Variants in PAPPA2 observed in about 807,000 individuals in gnomAD.
PAPPA2 encodes the protein pappalysin-2.
A neutral mutation model predicts 176.4 loss-of-function variants in PAPPA2; 86 were observed. That is an observed-to-expected ratio of 0.49 (90% CI 0.41 to 0.58). The LOEUF is 0.58. Ranked by LOEUF, PAPPA2 falls within the 20% of genes least tolerant of loss-of-function variation. The pLI is 0.00. For missense variants in PAPPA2, 2,073 were observed against 2,256.9 expected (o/e 0.92, Z 1.65); for synonymous variants, 809 against 852.2 (o/e 0.95, Z 0.88).
At chr1:176,779,276 C>T (rs1025736069) in intron 17 of PAPPA2, among the ~76,000 whole-genome samples, 1 of 152,108 alleles carries the variant, frequency 6.6e-6, no homozygotes, top group African/African-American at 2.4e-5. Flanking sequence ...TCCTACTCCT[C>T]CTGTGTCTCT....
At chr1:176,485,843 A>C (rs1483429084) in intron 1 of PAPPA2, among the ~76,000 whole-genome samples, 1 of 152,228 alleles carries the variant, frequency 6.6e-6, no homozygotes, top group Non-Finnish European at 1.5e-5. Context: ...TAATCTTTTT[A>C]TATACATGAA....
chr1:176,833,463 C>T (rs1266592317), intron 21 of PAPPA2, among the ~76,000 whole-genome samples: 1 of 152,218 alleles, frequency 6.6e-6, no homozygotes, highest in Admixed American at 6.5e-5. Flanking sequence ...TCCAGATCAC[C>T]TGTTAAAACC....
intron 17 of PAPPA2, among the ~76,000 whole-genome samples, chr1:176,784,952 T>G (rs1449578369): frequency 6.6e-6 from 1 of 152,154 alleles, no homozygotes; most frequent in Non-Finnish European, 1.5e-5. Context: ...TTATTTGTTT[T>G]CTCATGAGGG....
chr1:176,747,314 G>T (rs913872230), intron 14 of PAPPA2, among the ~76,000 whole-genome samples: 1 of 152,158 alleles, frequency 6.6e-6, no homozygotes, highest in Non-Finnish European at 1.5e-5. Flanking sequence ...AGTAATACAG[G>T]CAAGCTGGGG....
chr1:176,489,243 G>A (rs1288198116), intron 1 of PAPPA2, among the ~76,000 whole-genome samples: 1 of 152,048 alleles, frequency 6.6e-6, no homozygotes, highest in African/African-American at 2.4e-5. Flanking sequence ...TTTAAAAATT[G>A]CATGTTGTGG....
In PAPPA2 at chr1:176,557,026, C is replaced by T; in HGVS notation, c.704C>T (p.Pro235Leu). Reference protein sequence around the residue: ...HSLKHRVKKSPPEESNQNGGE... With the variant: ...HSLKHRVKKSLPEESNQNGGE... ...CTTAAACACAGGGTCAAAAAGAGTC[C>T]ACCGGAGGAAAGCAACCAAAATGGT... Residue 235 changes from proline (P) to leucine (L), a missense_variant, in exon 2 of 23, where the codon CCA (proline) becomes CTA (leucine). By Grantham distance (98) the Pro-to-Leu change is moderately conservative (BLOSUM62 -3). Around this residue, in one of 4 missense-constraint regions of PAPPA2, gnomAD observed 1,196 missense variants for 1,330.4 expected, o/e 0.90. Transcript: ENST00000367662. 3 of 1,614,088 alleles carry T rather than the reference C, an allele frequency of 1.9e-6. No individual in the cohort carries two copies. Among genetic ancestry groups the T allele is most frequent in the Non-Finnish European group, 2.5e-6 (3 of 1,180,010 alleles).
chr1:176,703,602 C>G (rs1385254134), intron 9 of PAPPA2, among the ~76,000 whole-genome samples: 1 of 152,190 alleles, frequency 6.6e-6, no homozygotes, highest in African/African-American at 2.4e-5. Flanking sequence ...GAAAATATAT[C>G]GTATATTGAA....
intron 1 of PAPPA2, among the ~76,000 whole-genome samples, chr1:176,532,780 C>G (rs1218010018): frequency 6.6e-6 from 1 of 152,174 alleles, no homozygotes; most frequent in Non-Finnish European, 1.5e-5. Flanking sequence ...TGTGGCCTGA[C>G]CTGACTTTGT....
intron 1 of PAPPA2, among the ~76,000 whole-genome samples, chr1:176,496,664 T>C (rs1413259584): frequency 6.6e-6 from 1 of 152,132 alleles, no homozygotes; most frequent in African/African-American, 2.4e-5. Flanking sequence ...CTCAGAGATG[T>C]CCCTTGTTGT....
chr1:176,630,830 G>A (rs1203215291), intron 3 of PAPPA2, among the ~76,000 whole-genome samples: 1 of 152,188 alleles, frequency 6.6e-6, no homozygotes, highest in Non-Finnish European at 1.5e-5. Flanking sequence ...GTGTATAAGA[G>A]ATAAATTCAA....
intron 1 of PAPPA2, among the ~76,000 whole-genome samples, chr1:176,538,878 G>T (rs1328447583): frequency 6.6e-6 from 1 of 152,124 alleles, no homozygotes; most frequent in African/African-American, 2.4e-5. Flanking sequence ...GCCTGTTTTT[G>T]CTTGGCCTCA....
Position 176,793,553 on chromosome 1 carries a change from C to T in PAPPA2, c.5021-7C>T, listed in dbSNP as rs1387127027. On this transcript the variant is annotated splice_region_variant and splice_polypyrimidine_tract_variant and intron_variant, in intron 19 of 22. Coordinates refer to ENST00000367662, the MANE Select transcript of PAPPA2 (RefSeq NM_020318.3). The stretch of plus-strand genomic sequence containing the variant: ...CAAGTCTCTGCTGTAAACTTCTGTT[C>T]TTTCAGGTGCAGTGTGTTCCCCATT... The T allele has an allele frequency of 1.3e-6, 2 of 1,598,606 alleles. No homozygotes were observed. Among genetic ancestry groups the T allele is most frequent in the Non-Finnish European group, 1.7e-6 (2 of 1,167,160 alleles).
intron 2 of PAPPA2, among the ~76,000 whole-genome samples, chr1:176,583,396 C>A (rs1329722914): frequency 6.6e-6 from 1 of 151,842 alleles, no homozygotes. Context: ...TGGCTGTGTT[C>A]CATAGGTTTT....
intron 5 of PAPPA2, 30 bp from the exon 6 acceptor site, chr1:176,692,096 T>C (rs368050493): frequency 1.3e-6 from 2 of 1,582,762 alleles, no homozygotes; most frequent in Non-Finnish European, 1.7e-6. Flanking sequence ...AAAATCTCCA[T>C]CTCTTGTGCC....
chr1:176,743,483 C>A (rs998742361), intron 14 of PAPPA2, among the ~76,000 whole-genome samples: 1 of 152,168 alleles, frequency 6.6e-6, no homozygotes. Flanking sequence ...TTCATTCTTA[C>A]CCTCCAGTTG....
At chr1:176,670,215 T>C (rs1658908359) in intron 3 of PAPPA2, among the ~76,000 whole-genome samples, 1 of 152,212 alleles carries the variant, frequency 6.6e-6, no homozygotes, top group African/African-American at 2.4e-5. Flanking sequence ...GACCAAATGT[T>C]TGTTTCCTTT....
At chr1:176,503,674 C>T (rs184348618) in intron 1 of PAPPA2, among the ~76,000 whole-genome samples, 1 of 152,250 alleles carries the variant, frequency 6.6e-6, no homozygotes, top group East Asian at 1.9e-4. Context: ...TGTTCTTGTG[C>T]CATAGCTCCA....
At chr1:176,685,304 A>T (rs1307098895) in intron 4 of PAPPA2, among the ~76,000 whole-genome samples, 2 of 152,134 alleles carry the variant, frequency 1.3e-5, no homozygotes, top group Non-Finnish European at 2.9e-5. Context: ...TCTTGTTATT[A>T]CCATTAAACA....
rs777060077 is a variant in PAPPA2 at position 176,595,258 on chromosome 1, G to A, written c.1654G>A (p.Glu552Lys). The A allele has an allele frequency of 9.3e-6, 15 of 1,614,100 alleles. No individual in the cohort carries two copies. Among genetic ancestry groups the A allele is most frequent in the Middle Eastern group, 1.6e-4 (1 of 6,084 alleles). ...VSEEQIRLQHEALNEAFSRYN... is the reference protein window; with the variant it reads ...VSEEQIRLQHKALNEAFSRYN... Reference sequence around the variant, plus strand: ...TGAGGAGCAGATTCGTCTGCAGCACGAGGCACTGAATGAGGCCTTCAGCCG... The same window carrying A: ...TGAGGAGCAGATTCGTCTGCAGCACAAGGCACTGAATGAGGCCTTCAGCCG... The change falls in exon 3 of 23, where the codon GAG (glutamate) becomes AAG (lysine). Residue 552 changes from glutamate to lysine, a missense_variant. This residue lies in a region of PAPPA2 where 1,196 missense variants were observed against 1,330.4 expected (regional missense o/e 0.90). Coordinates refer to ENST00000367662, the MANE Select transcript of PAPPA2 (RefSeq NM_020318.3).
Sources: allele counts gnomAD v4.1 joint callset (sites outside exome capture counted in the v4.1 genomes callset), GRCh38; gene constraint gnomAD v4.1.1; regional missense constraint gnomAD v4.1.1; transcripts MANE v1.5; gene names NCBI Gene and HGNC (gene_info 2026-07-23, HGNC 2026-07-21).